Variants in LRRC40 observed in about 807,000 individuals in gnomAD.
LRRC40 encodes the protein leucine-rich repeat-containing protein 40.
LRRC40 carries 76 observed loss-of-function variants against 72.8 expected under a neutral mutation model. That is an observed-to-expected ratio of 1.04 (90% CI 0.87 to 1.26). The LOEUF (loss-of-function observed/expected upper bound fraction) is 1.26, where lower values mean the gene tolerates loss of function less well. LRRC40 is among the 50% of genes most tolerant of loss of function. LRRC40 has a pLI of 0.00. For missense variants in LRRC40, 684 were observed against 698.9 expected, an observed-to-expected ratio of 0.98 and a Z score of 0.24; for synonymous variants, 243 against 254.2, an observed-to-expected ratio of 0.96 and a Z score of 0.42.
chr1:70,179,605 A>G (rs914793072), intron 5 of LRRC40, among the ~76,000 whole-genome samples: 12 of 152,228 alleles, frequency 7.9e-5, no homozygotes, highest in Non-Finnish European at 1.8e-4. Context: ...GCATCTGGTC[A>G]TTAATAACAC....
chr1:70,155,567 T>A, intron 11 of LRRC40, 122 bp downstream of exon 11: 1 of 417,520 alleles, frequency 2.4e-6, no homozygotes, highest in Non-Finnish European at 4.3e-6. Flanking sequence ...ATATTAATAA[T>A]GTAAAAATTT....
rs571491809 is a variant in LRRC40 at position 70,168,882 on chromosome 1, C to G, written c.1111+4583G>C. On this transcript the variant is annotated intron_variant, in intron 9 of 14. Coordinates refer to ENST00000370952, the MANE Select transcript of LRRC40 (RefSeq NM_017768.5). ...TACTTTGAGATAAATGAAAATGACA[C>G]AACATACCAAAACGTATGAGCTGTA... 2.6e-5 allele frequency among the ~76,000 whole-genome samples: 4 copies of G among 152,188 alleles called. No homozygotes were observed. The East Asian group carries it at 7.7e-4, about 29-fold the overall frequency.
At chr1:70,197,418 T>A (rs1668639113) in intron 1 of LRRC40, among the ~76,000 whole-genome samples, 1 of 151,898 alleles carries the variant, frequency 6.6e-6, no homozygotes, top group Non-Finnish European at 1.5e-5. Context: ...GCTAGAACTA[T>A]GAGGACTACA....
chr1:70,176,954 T>C (rs1341950848), intron 6 of LRRC40, among the ~76,000 whole-genome samples: 2 of 152,124 alleles, frequency 1.3e-5, no homozygotes, highest in Non-Finnish European at 2.9e-5. Context: ...CAGAGAAATG[T>C]AAACAAATGT....
Position 70,189,183 on chromosome 1 carries a change from T to C in LRRC40, c.242A>G (p.Gln81Arg), listed in dbSNP as rs1668434409. The C allele has an allele frequency of 1.9e-6, 3 of 1,613,722 alleles. No homozygotes were observed. Among genetic ancestry groups the C allele is most frequent in the Non-Finnish European group, 2.5e-6 (3 of 1,179,938 alleles). ...SFGATERWWEQTDLTKLIISN... is the reference protein window; with the variant it reads ...SFGATERWWERTDLTKLIISN... ...TATTATTAGTTTGGTCAAATCTGTC[T>C]GCTCCCACCATCTTTCAGTAGCACC... The change falls in exon 2 of 15, where the codon CAG becomes CGG. Residue 81 changes from glutamine (Q) to arginine (R), a missense_variant. Transcript: ENST00000370952.
intron 6 of LRRC40, 149 bp downstream of exon 6, chr1:70,178,701 TA>T (rs1274197542): frequency 1.5e-5 from 6 of 393,968 alleles, no homozygotes; most frequent in Non-Finnish European, 2.3e-5. Context: ...GTAATCATAT[TA>T]AAATTCTGAA....
chr1:70,195,398 C>A (rs1476986951), intron 1 of LRRC40, among the ~76,000 whole-genome samples: 3 of 146,362 alleles, frequency 2.0e-5, no homozygotes, highest in African/African-American at 7.5e-5. Context: ...AAAGTTGGAA[C>A]AAACACTTAA....
chr1:70,148,421 G>T, intron 14 of LRRC40, 66 bp downstream of exon 14: 1 of 1,255,026 alleles, frequency 8.0e-7, no homozygotes, highest in Non-Finnish European at 1.1e-6. Context: ...ATCTGAAAAA[G>T]AAAAACAAAT....
intron 1 of LRRC40, 142 bp from the exon 2 acceptor site, chr1:70,189,415 AATAGCAATAAAT>A: frequency 1.5e-6 from 1 of 657,516 alleles, no homozygotes; most frequent in Non-Finnish European, 2.5e-6. Flanking sequence ...AAATAAGTTA[AATAGCAATAAAT>A]ATAACTAGAG....
chr1:70,157,244 A>G (rs1667658747), intron 10 of LRRC40, among the ~76,000 whole-genome samples: 1 of 152,216 alleles, frequency 6.6e-6, no homozygotes, highest in Non-Finnish European at 1.5e-5. Flanking sequence ...TTCTGTGTAG[A>G]TGCAGCATTT....
At chr1:70,152,351 T>C in intron 12 of LRRC40, 82 bp downstream of exon 12, 1 of 714,380 alleles carries the variant, frequency 1.4e-6, no homozygotes, top group Non-Finnish European at 2.4e-6. Context: ...TAGGAAAATA[T>C]GAGGTAAAAA....
chr1:70,185,710 G>A (rs1346936829), intron 3 of LRRC40, among the ~76,000 whole-genome samples: 3 of 152,134 alleles, frequency 2.0e-5, no homozygotes, highest in Non-Finnish European at 2.9e-5. Context: ...AGCTATTTCT[G>A]TTTGAGGACC....
chr1:70,161,764 A>ATC (rs1667769387), intron 9 of LRRC40, among the ~76,000 whole-genome samples: 2 of 152,122 alleles, frequency 1.3e-5, no homozygotes, highest in Admixed American at 1.3e-4. Context: ...TCTCTTAGAA[A>ATC]TAAGAGTAAA....
At chr1:70,174,992 T>C (rs1668072587) in intron 7 of LRRC40, among the ~76,000 whole-genome samples, 1 of 152,100 alleles carries the variant, frequency 6.6e-6, no homozygotes, top group Non-Finnish European at 1.5e-5. Flanking sequence ...ACAAGTCATG[T>C]TGCTATGAGA....
intron 1 of LRRC40, among the ~76,000 whole-genome samples, chr1:70,202,718 C>G (rs1035069377): frequency 2.6e-5 from 4 of 152,072 alleles, no homozygotes; most frequent in African/African-American, 9.7e-5. Context: ...ATTGGTTCAT[C>G]AATTATAATA....
Position 70,177,629 on chromosome 1 carries a change from T to C in LRRC40, c.804+1222A>G, listed in dbSNP as rs546950635. On this transcript the variant is annotated intron_variant, in intron 6 of 14. Transcript: ENST00000370952. ...AGTTCTCCCAAGAAGCAGAGAAAAG[T>C]CATGACATTACAAGAAAAGTTGAAT... Among the ~76,000 whole-genome samples the C allele has an allele frequency of 6.6e-5, 10 of 152,300 alleles. No individual in the cohort carries two copies. The East Asian group carries it at 1.9e-3, about 29-fold the overall frequency.
At chr1:70,194,322 T>C (rs565517947) in intron 1 of LRRC40, among the ~76,000 whole-genome samples, 1 of 152,168 alleles carries the variant, frequency 6.6e-6, no homozygotes, top group South Asian at 2.1e-4. Context: ...AATGTTTAAA[T>C]GTTAAAAGAT....
intron 1 of LRRC40, among the ~76,000 whole-genome samples, chr1:70,191,224 T>C (rs1668493265): frequency 1.3e-5 from 2 of 152,000 alleles, no homozygotes; most frequent in South Asian, 4.1e-4. Context: ...TAAGAAAGTA[T>C]GTAGAAAAAG....
Position 70,173,837 on chromosome 1 carries a change from C to G in LRRC40, c.978-128G>C, listed in dbSNP as rs1346952803. ...AGTCTCAAAGAAAGGCCAAGTAATG[C>G]AGACCTAAAACATTTCCTTTCAAGA... On this transcript the variant is annotated intron_variant, in intron 7 of 14. Transcript: ENST00000370952. The G allele has an allele frequency of 1.0e-5, 5 of 484,496 alleles. No homozygotes were observed. In the Admixed American group the frequency reaches 1.2e-4, roughly 12 times the overall value. 30.0% of individuals were successfully genotyped at this position (484,496 alleles called of 1,614,324 possible).
Sources: allele counts gnomAD v4.1 joint callset (sites outside exome capture counted in the v4.1 genomes callset), GRCh38; gene constraint gnomAD v4.1.1; transcripts MANE v1.5; gene names NCBI Gene and HGNC (gene_info 2026-07-23, HGNC 2026-07-21).